PACRG: variants seen among roughly 807,000 people sequenced by gnomAD.
The protein encoded by PACRG is parkin coregulated, also known as parkin coregulated gene protein.
A neutral mutation model predicts 29.7 loss-of-function variants in PACRG; 29 were observed. The ratio of observed to expected loss-of-function variants is 0.98; its 90% CI spans 0.73 to 1.33. The LOEUF (loss-of-function observed/expected upper bound fraction) is 1.33. Among genes scored for constraint, PACRG ranks in the 40% most tolerant of loss-of-function variants. PACRG has a pLI of 0.00. For missense variants in PACRG, 279 were observed against 316.2 expected (o/e 0.88, Z 0.89); for synonymous variants, 116 against 118.7 (o/e 0.98, Z 0.15).
chr6:162,764,021 A>G (rs1017434859), intron 1 of PACRG, among the ~76,000 whole-genome samples: 2 of 152,184 alleles, frequency 1.3e-5, no homozygotes, highest in Non-Finnish European at 2.9e-5. Context: ...CACGCCTGTA[A>G]TTCCAGTATT....
intron 2 of PACRG, among the ~76,000 whole-genome samples, chr6:162,822,443 T>C (rs759507128): frequency 1.2e-4 from 18 of 152,216 alleles, no homozygotes; most frequent in Admixed American, 2.6e-4. Flanking sequence ...AGCACATTTC[T>C]TGCTATTGGG....
At chr6:163,203,752 T>A (rs1354484515) in intron 4 of PACRG, among the ~76,000 whole-genome samples, 1 of 152,240 alleles carries the variant, frequency 6.6e-6, no homozygotes, top group East Asian at 1.9e-4. Context: ...GTTCTGGTCT[T>A]GTAGTTTCAA....
chr6:162,918,686 C>T (rs1796863359), intron 2 of PACRG, among the ~76,000 whole-genome samples: 1 of 152,058 alleles, frequency 6.6e-6, no homozygotes, highest in South Asian at 2.1e-4. Flanking sequence ...TGTATTAGTT[C>T]ATTACTAAGC....
At chr6:163,091,329 T>C (rs1814091602) in intron 4 of PACRG, among the ~76,000 whole-genome samples, 1 of 152,252 alleles carries the variant, frequency 6.6e-6, no homozygotes, top group African/African-American at 2.4e-5. Flanking sequence ...ATAGTTTTTC[T>C]TTAAACCTTT....
chr6:162,988,355 T>C (rs1803097406), intron 2 of PACRG, among the ~76,000 whole-genome samples: 1 of 152,128 alleles, frequency 6.6e-6, no homozygotes, highest in South Asian at 2.1e-4. Context: ...GAGCAATAGA[T>C]GCAGGTTCAG....
intron 2 of PACRG, among the ~76,000 whole-genome samples, chr6:163,029,019 G>A (rs1481220043): frequency 2.6e-5 from 4 of 152,170 alleles, no homozygotes; most frequent in African/African-American, 2.4e-5. Context: ...TAGCCAGGTG[G>A]GCTCAACAGG....
At chr6:163,168,046 G>T in intron 4 of PACRG, among the ~76,000 whole-genome samples, 1 of 152,190 alleles carries the variant, frequency 6.6e-6, no homozygotes, top group South Asian at 2.1e-4. Context: ...ATATTATTTT[G>T]TACACTGTCT....
intron 2 of PACRG, among the ~76,000 whole-genome samples, chr6:162,838,492 C>G (rs1024531741): frequency 1.3e-5 from 2 of 152,054 alleles, no homozygotes; most frequent in African/African-American, 4.8e-5. Flanking sequence ...TCAAAGAAGG[C>G]TGGGAAATAC....
At chr6:162,821,640 G>T (rs78218951) in intron 2 of PACRG, among the ~76,000 whole-genome samples, 1 of 152,086 alleles carries the variant, frequency 6.6e-6, no homozygotes, top group African/African-American at 2.4e-5. Flanking sequence ...AAATGTTGAC[G>T]TTGTAGAAGT....
intron 2 of PACRG, among the ~76,000 whole-genome samples, chr6:162,947,134 G>A (rs750939304): frequency 2.6e-5 from 4 of 151,256 alleles, no homozygotes; most frequent in Non-Finnish European, 4.4e-5. Context: ...TCAGGCAAGA[G>A]AAAGAAATAA....
chr6:162,944,020 C>G (rs147427057), intron 2 of PACRG, among the ~76,000 whole-genome samples: 5 of 152,164 alleles, frequency 3.3e-5, no homozygotes, highest in Non-Finnish European at 2.9e-5. Context: ...CAAGAATATG[C>G]CTGCCTGGTC....
intron 4 of PACRG, among the ~76,000 whole-genome samples, chr6:163,250,949 C>T (rs1331728111): frequency 6.6e-6 from 1 of 150,416 alleles, no homozygotes; most frequent in Admixed American, 6.6e-5. Flanking sequence ...AATGAATTAA[C>T]ACCATTTGCA....
At chr6:162,815,070 G>T (rs886637528) in intron 2 of PACRG, among the ~76,000 whole-genome samples, 2 of 152,082 alleles carry the variant, frequency 1.3e-5, no homozygotes, top group Non-Finnish European at 2.9e-5. Flanking sequence ...TGTTATCAAA[G>T]ACTTTGCTTT....
rs898128351 is a variant in PACRG, at chr6:162,882,093, G to C, written c.291+67812G>C. 6.2e-5 allele frequency among the ~76,000 whole-genome samples: 8 copies of C among 129,730 alleles called. 1 individual carries two copies. The highest frequency in any genetic ancestry group is 2.5e-4 in the African/African-American group (8 of 32,578). The allele number at this position is 129,730 out of a possible 152,430, so 85.1% of individuals were successfully genotyped here. Reference sequence around the variant, plus strand: ...CCACCAAGACCAGAGACTCGGGGTGGGGGGGCGCACTCTCCACCAAGAACA... The same window carrying C: ...CCACCAAGACCAGAGACTCGGGGTGCGGGGGCGCACTCTCCACCAAGAACA... On this transcript the variant is annotated intron_variant, in intron 2 of 4. Transcript: ENST00000366888.
At chr6:162,776,572 TCTC>T (rs1169323310) in intron 1 of PACRG, among the ~76,000 whole-genome samples, 2 of 152,114 alleles carry the variant, frequency 1.3e-5, no homozygotes, top group Non-Finnish European at 2.9e-5. Flanking sequence ...GGCCGCCCAT[TCTC>T]CTGCCCTGGG....
rs145810914 is a variant in PACRG at position 163,147,843 on chromosome 6, C to G, written c.613+58435C>G. ...CCCAGCCCCGGGGAAGATGCTACCC[C>G]CTTAGCAATGCCCCTCTAGCACCTT... On this transcript the variant is annotated intron_variant, in intron 4 of 4. Coordinates refer to ENST00000366888, the MANE Select transcript of PACRG (RefSeq NM_001080379.2). Among the ~76,000 whole-genome samples, 528 of 152,276 alleles carry G rather than the reference C, an allele frequency of 3.5e-3. 6 individuals are homozygous for G. Among genetic ancestry groups the G allele is most frequent in the African/African-American group, 0.012 (506 of 41,546 alleles).
chr6:163,135,788 A>G (rs1297312236), intron 4 of PACRG, among the ~76,000 whole-genome samples: 3 of 152,234 alleles, frequency 2.0e-5, no homozygotes, highest in Non-Finnish European at 2.9e-5. Context: ...TCGCTCGACA[A>G]GCCGGCTGAC....
intron 4 of PACRG, among the ~76,000 whole-genome samples, chr6:163,167,911 A>G (rs1275921957): frequency 6.6e-6 from 1 of 152,250 alleles, no homozygotes; most frequent in Non-Finnish European, 1.5e-5. Flanking sequence ...AACTGCTGTC[A>G]CTAATCATAT....
chr6:163,074,946 A>T (rs552242615), intron 3 of PACRG, among the ~76,000 whole-genome samples: 1 of 152,024 alleles, frequency 6.6e-6, no homozygotes, highest in African/African-American at 2.4e-5. Flanking sequence ...GTGGGCTGTG[A>T]TTGGGCACTG....
Sources: gnomAD v4.1 joint callset for allele counts (sites outside exome capture counted in the v4.1 genomes callset) on GRCh38, gnomAD v4.1.1 for gene constraint, MANE v1.5 for transcripts, NCBI Gene and HGNC (gene_info 2026-07-23, HGNC 2026-07-21) for gene names.